Variants in ESR1 observed in about 807,000 individuals in gnomAD.
The protein encoded by ESR1 is estrogen receptor.
ESR1 carries 12 observed loss-of-function variants against 52.7 expected under a neutral mutation model. That is an observed-to-expected ratio of 0.23 (90% CI 0.15 to 0.37). ESR1 has a LOEUF of 0.37. Ranked by LOEUF, ESR1 falls within the 10% of genes least tolerant of loss-of-function variation. The probability of loss-of-function intolerance (pLI) is 1.00; values close to 1 mark genes in which losing one functional copy is unlikely to be tolerated. For missense variants in ESR1, 584 were observed against 779.7 expected (o/e 0.75, Z 2.99); for synonymous variants, 305 against 316.8 (o/e 0.96, Z 0.39).
At chr6:151,825,967 G>C (rs147520078) in intron 1 of ESR1, among the ~76,000 whole-genome samples, 3 of 151,058 alleles carry the variant, frequency 2.0e-5, no homozygotes. Context: ...TGGGTACTTA[G>C]GAATTTGGTT....
At chr6:151,850,042 AAT>A (rs1786155881) in intron 2 of ESR1, among the ~76,000 whole-genome samples, 1 of 126,994 alleles carries the variant, frequency 7.9e-6, no homozygotes, top group South Asian at 2.3e-4. Flanking sequence ...ATATATATAT[AAT>A]TTTATATATA....
intron 1 of ESR1, among the ~76,000 whole-genome samples, chr6:151,699,835 G>A (rs191810602): frequency 3.9e-5 from 6 of 152,262 alleles, no homozygotes; most frequent in Non-Finnish European, 1.5e-5. Flanking sequence ...CTTAGGTCAA[G>A]CCTATGCAGC....
At chr6:151,877,740 G>C (rs945981866) in intron 2 of ESR1, among the ~76,000 whole-genome samples, 1 of 152,090 alleles carries the variant, frequency 6.6e-6, no homozygotes, top group Admixed American at 6.5e-5. Context: ...GTGAGTCAAA[G>C]TAATATTTGG....
intron 5 of ESR1, 37 bp downstream of exon 5, chr6:152,011,831 C>A: frequency 7.5e-6 from 12 of 1,607,480 alleles, no homozygotes; most frequent in Non-Finnish European, 1.0e-5. Flanking sequence ...GTAGCATGTT[C>A]TTTACGATCA....
chr6:151,889,470 T>A lies in ESR1; in HGVS notation c.760+8699T>A, dbSNP rs1222399841. Among the ~76,000 whole-genome samples, 5 of 152,204 alleles carry A rather than the reference T, an allele frequency of 3.3e-5. No homozygotes were observed. In the East Asian group the frequency reaches 9.6e-4, roughly 29 times the overall value. On this transcript the variant is annotated intron_variant, in intron 3 of 7. Transcript: ENST00000206249. Reference sequence around the variant, plus strand: ...TGTGTAATTCATCATAGTACTCTTATAATTTTTTGCATTTCTGTGCTATCA... The same window carrying A: ...TGTGTAATTCATCATAGTACTCTTAAAATTTTTTGCATTTCTGTGCTATCA...
rs1029556448 is a variant in ESR1, at chr6:151,807,754, G to T, written c.-159G>T. On this transcript the variant is annotated 5_prime_UTR_variant, in exon 1 of 8. Transcript: ENST00000206249. ...TCGCCCGGCTTCACCGGACCCGCAG[G>T]CTCCCGGGGCAGGGCCGGGGCCAGA... 8.9e-5 allele frequency: 67 copies of T among 748,858 alleles called. No homozygotes were observed. The highest frequency in any genetic ancestry group is 1.4e-4 in the Non-Finnish European group (61 of 439,404). 46.4% of individuals were successfully genotyped at this position (748,858 alleles called of 1,614,324 possible).
At position 151,985,665 on chromosome 6, in the gene ESR1, A is replaced by T. The variant is rs980272880; in HGVS notation, c.1097-25991A>T. Reference sequence around the variant, plus strand: ...GATGGGGCAATCGTCATAACTTTTTAAAAAATTATTTATTTATTTTGAGAC... The same window carrying T: ...GATGGGGCAATCGTCATAACTTTTTTAAAAATTATTTATTTATTTTGAGAC... On this transcript the variant is annotated intron_variant, in intron 4 of 7. Coordinates refer to ENST00000206249, the MANE Select transcript of ESR1 (RefSeq NM_000125.4). Among the ~76,000 whole-genome samples the T allele has an allele frequency of 3.3e-5, 5 of 151,992 alleles. 1 individual carries two copies. In the South Asian group the frequency reaches 8.3e-4, roughly 25 times the overall value.
chr6:151,688,779 T>G (rs1170154706), upstream of ESR1, among the ~76,000 whole-genome samples: 2 of 152,214 alleles, frequency 1.3e-5, no homozygotes, highest in East Asian at 3.8e-4. Context: ...TTATTTAAAG[T>G]ATACAGGAGG....
chr6:152,107,692 A>G (rs2051082709), downstream of ESR1, among the ~76,000 whole-genome samples: 2 of 152,148 alleles, frequency 1.3e-5, no homozygotes, highest in South Asian at 4.1e-4. Context: ...AAAACTGAAC[A>G]TTTTAGATAC....
chr6:151,932,668 A>G (rs1235456598), intron 3 of ESR1, among the ~76,000 whole-genome samples: 1 of 150,118 alleles, frequency 6.7e-6, no homozygotes, highest in Non-Finnish European at 1.5e-5. Flanking sequence ...AGCTTTCTAC[A>G]TATGGCTAGC....
chr6:151,906,555 A>T (rs570783077), intron 3 of ESR1, among the ~76,000 whole-genome samples: 1 of 151,684 alleles, frequency 6.6e-6, no homozygotes, highest in Non-Finnish European at 1.5e-5. Context: ...CAACAGCCTG[A>T]ATTTTTATTT....
At chr6:151,756,982 T>C (rs1286137524) in intron 2 of ESR1, among the ~76,000 whole-genome samples, 1 of 152,036 alleles carries the variant, frequency 6.6e-6, no homozygotes, top group Non-Finnish European at 1.5e-5. Context: ...AGAGCGAGAC[T>C]CTGTCTCAAA....
intron 2 of ESR1, among the ~76,000 whole-genome samples, chr6:151,756,214 C>T (rs763425186): frequency 2.0e-5 from 3 of 152,048 alleles, no homozygotes; most frequent in Non-Finnish European, 4.4e-5. Context: ...TCCCCATGTA[C>T]ATTTTACTCC....
intron 6 of ESR1, among the ~76,000 whole-genome samples, chr6:152,116,251 C>G (rs2051209521): frequency 6.6e-6 from 1 of 152,132 alleles, no homozygotes; most frequent in Admixed American, 6.5e-5. Context: ...ATAAAAGCAG[C>G]ACTATCAAAA....
chr6:151,844,405 G>A (rs760059948), intron 2 of ESR1, among the ~76,000 whole-genome samples: 1 of 152,100 alleles, frequency 6.6e-6, no homozygotes, highest in Non-Finnish European at 1.5e-5. Context: ...TTAGTAGATA[G>A]GTCTAACTGC....
intron 4 of ESR1, among the ~76,000 whole-genome samples, chr6:151,982,409 G>A (rs1477732343): frequency 6.6e-6 from 1 of 152,156 alleles, no homozygotes; most frequent in African/African-American, 2.4e-5. Flanking sequence ...TCTAATAGAA[G>A]TATAATTCAG....
chr6:151,674,545 G>C (rs1778189052), intron 1 of ESR1, among the ~76,000 whole-genome samples: 1 of 152,198 alleles, frequency 6.6e-6, no homozygotes, highest in South Asian at 2.1e-4. Flanking sequence ...TATATACCCA[G>C]TAATGGGATT....
chr6:151,738,018 G>A (rs970049094), intron 2 of ESR1, among the ~76,000 whole-genome samples: 2 of 152,134 alleles, frequency 1.3e-5, no homozygotes, highest in Non-Finnish European at 2.9e-5. Flanking sequence ...ATGATGATTT[G>A]TAAGTCTTTG....
chr6:152,058,158 A>G lies in ESR1; in HGVS notation c.1236-2833A>G, dbSNP rs1303089815. Among the ~76,000 whole-genome samples, 3 of 152,182 alleles carry G rather than the reference A, an allele frequency of 2.0e-5. No individual in the cohort carries two copies. The East Asian group carries it at 5.8e-4, about 29-fold the overall frequency. ...TGTTATTTTTAAAGATTCATCCTCCAAACATTTTCCCCTATCCTTGTTTAT... is the reference window on the plus strand; with the variant it reads ...TGTTATTTTTAAAGATTCATCCTCCGAACATTTTCCCCTATCCTTGTTTAT... On this transcript the variant is annotated intron_variant, in intron 5 of 7. Transcript: ENST00000206249.
Sources: allele counts gnomAD v4.1 joint callset (sites outside exome capture counted in the v4.1 genomes callset), GRCh38; gene constraint gnomAD v4.1.1; transcripts MANE v1.5; gene names NCBI Gene and HGNC (gene_info 2026-07-23, HGNC 2026-07-21).